ZNF268: variants seen among roughly 807,000 people sequenced by gnomAD.
ZNF268 encodes zinc finger protein 268, also known as zinc finger protein 3.
Under a neutral mutation model 29.3 loss-of-function variants are expected in ZNF268, and 20 were observed. The observed-to-expected ratio is 0.68, with a 90% CI of 0.48 to 0.99. The LOEUF is 0.99. ZNF268 is among the 50% of genes least tolerant of loss of function. The probability of loss-of-function intolerance (pLI) is 0.00; values close to 1 mark genes in which losing one functional copy is unlikely to be tolerated. For missense variants in ZNF268, 1,240 were observed against 1,121.6 expected (o/e 1.11, Z -1.51); for synonymous variants, 429 against 376.9 (o/e 1.14, Z -1.60).
intron 3 of ZNF268, among the ~76,000 whole-genome samples, chr12:133,188,636 T>C (rs2135491237): frequency 6.6e-6 from 1 of 152,322 alleles, no homozygotes. Flanking sequence ...TATCCTTTTT[T>C]TTAAAAAATG....
In ZNF268 at chr12:133,188,057, A is replaced by C; in HGVS notation, c.219A>C (p.Lys73Asn). The C allele has an allele frequency of 1.3e-6, 2 of 1,589,904 alleles. No homozygotes were observed. The highest frequency in any genetic ancestry group is 2.3e-5 in the South Asian group (2 of 87,336). Reference sequence around the variant, plus strand: ...TGTTTATTTCCCAAGAGCAGCCAAAAATCACCAAGTCCTGGGTGAGCTTCT... The same window carrying C: ...TGTTTATTTCCCAAGAGCAGCCAAACATCACCAAGTCCTGGGTGAGCTTCT... ...EWLFISQEQP[K>N]ITKSWGPLSF... is the part of the protein sequence containing the mutation. The change falls in exon 3 of 6, where the codon AAA becomes AAC. Residue 73 changes from lysine to asparagine, a missense_variant. Transcript: ENST00000536435.
At chr12:133,185,840 G>C (rs1276364938) in intron 2 of ZNF268, among the ~76,000 whole-genome samples, 1 of 148,314 alleles carries the variant, frequency 6.7e-6, no homozygotes, top group African/African-American at 2.4e-5. Context: ...AGAGTTGGGG[G>C]ATGTTTGAAG....
rs1400161082 is a variant in ZNF268 at position 133,212,371 on chromosome 12, G to A, written c.*7841G>A. On this transcript the variant is annotated 3_prime_UTR_variant, in exon 6 of 6. Transcript: ENST00000536435. ...ACAAAAAGGCCACTTATCACTCCAG[G>A]AGAGCAGGGTGTTCTTTCATCACAC... 6.6e-6 allele frequency: 1 copy of A among 150,556 alleles called. No individual in the cohort carries two copies. The highest frequency in any genetic ancestry group is 1.9e-4 in the East Asian group (1 of 5,168). The allele number at this position is 150,556 out of a possible 1,614,324, so 9.3% of individuals were successfully genotyped here. A position where few individuals can be genotyped will look rare whatever the true frequency, so the allele number is the denominator to read the frequency against.
At position 133,212,445 on chromosome 12, in the gene ZNF268, TTATATATATATATATATATATA is replaced by T. The variant is rs565059550; in HGVS notation, c.*7947_*7968del. The T allele has an allele frequency of 3.8e-4, 45 of 118,594 alleles. No individual in the cohort carries two copies. Among genetic ancestry groups the T allele is most frequent in the South Asian group, 8.2e-4 (3 of 3,638 alleles). 7.3% of individuals were successfully genotyped at this position (118,594 alleles called of 1,614,324 possible). On this transcript the variant is annotated 3_prime_UTR_variant, in exon 6 of 6. Coordinates refer to ENST00000536435, the MANE Select transcript of ZNF268 (RefSeq NM_003415.3). ...CCAAGGGAGACTTTCATGTGTGATT[TTATATATATATATATATATATA>T]TATATATATATATATATATATATAT...
intron 3 of ZNF268, 74 bp downstream of exon 3, chr12:133,188,146 G>A: frequency 7.4e-7 from 1 of 1,342,990 alleles, no homozygotes; most frequent in Non-Finnish European, 1.0e-6. Context: ...GAGGGATGGA[G>A]ATCCTTAGGT....
intron 5 of ZNF268, among the ~76,000 whole-genome samples, chr12:133,195,180 C>T (rs113477588): frequency 1.3e-5 from 2 of 152,264 alleles, no homozygotes; most frequent in Non-Finnish European, 2.9e-5. Context: ...TGTTTCTGCT[C>T]TCCAAGCATA....
intron 3 of ZNF268, among the ~76,000 whole-genome samples, chr12:133,188,333 C>T (rs573508847): frequency 1.3e-5 from 2 of 152,092 alleles, no homozygotes; most frequent in East Asian, 3.9e-4. Context: ...GTAGCTGGGA[C>T]AGCAGGCAAG....
intron 3 of ZNF268, among the ~76,000 whole-genome samples, chr12:133,188,919 T>A (rs1228989717): frequency 6.6e-6 from 1 of 152,134 alleles, no homozygotes; most frequent in Non-Finnish European, 1.5e-5. Context: ...GGATTGCAAA[T>A]TTTTTTATTT....
At position 133,202,375 on chromosome 12, in the gene ZNF268, A is replaced by C. The variant is rs370019315; in HGVS notation, c.689A>C (p.His230Pro). ...AATAATCCTAATGGGTTTCAGGTAC[A>C]TGGAAAATCATTCTTCCATTCTAAA... is the stretch of plus-strand genomic sequence containing the variant. The part of the protein sequence containing the change: ...ARNNPNGFQV[H>P]GKSFFHSKHE... Residue 230 changes from histidine (H) to proline (P), a missense_variant, in exon 6 of 6, where the codon CAT (histidine) becomes CCT (proline). Physicochemically the swap from His to Pro is moderately conservative, Grantham distance 77. Around this residue, in one of 3 missense-constraint regions of ZNF268, gnomAD observed 1,177 missense variants for 1,039.6 expected, o/e 1.13. Coordinates refer to ENST00000536435, the MANE Select transcript of ZNF268 (RefSeq NM_003415.3). The C allele has an allele frequency of 1.2e-6, 2 of 1,611,362 alleles. No homozygotes were observed. The highest frequency in any genetic ancestry group is 1.7e-6 in the Non-Finnish European group (2 of 1,178,566).
rs1957026734 is a variant in ZNF268, at chr12:133,214,382, G to C, written c.*9852G>C. On this transcript the variant is annotated 3_prime_UTR_variant, in exon 6 of 6. Transcript: ENST00000536435. ...CGTGGAGGAACCTCAGAAACATTGTGCTGAGAACCCAGCACAAGGCCACAC... is the reference window on the plus strand; with the variant it reads ...CGTGGAGGAACCTCAGAAACATTGTCCTGAGAACCCAGCACAAGGCCACAC... 2 of 152,094 alleles carry C rather than the reference G, an allele frequency of 1.3e-5. No individual in the cohort carries two copies. The allele number at this position is 152,094 out of a possible 1,614,324, so 9.4% of individuals were successfully genotyped here. A position where few individuals can be genotyped will look rare whatever the true frequency, so the allele number is the denominator to read the frequency against.
chr12:133,210,896 C>T lies in ZNF268; in HGVS notation c.*6366C>T. Reference sequence around the variant, plus strand: ...TGTGCTTGCACCCCTTCCTTACTACCTAGGCACAGTGTTGGATGGTCAGTG... The same window carrying T: ...TGTGCTTGCACCCCTTCCTTACTACTTAGGCACAGTGTTGGATGGTCAGTG... On this transcript the variant is annotated 3_prime_UTR_variant, in exon 6 of 6. Transcript: ENST00000536435. 2.2e-6 allele frequency: 1 copy of T among 456,056 alleles called. No homozygotes were observed. The highest frequency in any genetic ancestry group is 4.4e-6 in the Non-Finnish European group (1 of 226,800). 28.3% of individuals were successfully genotyped at this position (456,056 alleles called of 1,614,324 possible).
Position 133,203,349 on chromosome 12 carries a change from C to A in ZNF268, c.1663C>A (p.Pro555Thr). Residue 555 changes from proline to threonine, a missense_variant, in exon 6 of 6, where the codon CCC becomes ACC. Pro to Thr is a conservative substitution (Grantham distance 38). Coordinates refer to ENST00000536435, the MANE Select transcript of ZNF268 (RefSeq NM_003415.3). ...TCAGAGGATTCATACAGGAGAGAAC[C>A]CCTATGAATGCCATGAATGTGGGAA... Reference protein sequence around the residue: ...IHQRIHTGENPYECHECGKAF... With the variant: ...IHQRIHTGENTYECHECGKAF... 1 of 1,548,036 alleles carries A rather than the reference C, an allele frequency of 6.5e-7. No individual in the cohort carries two copies.
chr12:133,200,904 C>T (rs962015397), intron 5 of ZNF268, among the ~76,000 whole-genome samples: 11 of 152,082 alleles, frequency 7.2e-5, no homozygotes, highest in African/African-American at 1.9e-4. Flanking sequence ...TCACTCTCCT[C>T]CCTCCATACC....
In ZNF268 at chr12:133,191,549, G is replaced by A; in HGVS notation, c.295G>A (p.Asp99Asn). 2 of 1,614,038 alleles carry A rather than the reference G, an allele frequency of 1.2e-6. No individual in the cohort carries two copies. The change falls in exon 4 of 6, where the codon GAC (aspartate) becomes AAC (asparagine). Residue 99 changes from aspartate to asparagine, a missense_variant. Transcript: ENST00000536435. Reference sequence around the variant, plus strand: ...TACCTGGGAGGAGTGGCAGCTGCTAGACCCAGCACAGAAGTGCCTGTACAG... The same window carrying A: ...TACCTGGGAGGAGTGGCAGCTGCTAAACCCAGCACAGAAGTGCCTGTACAG... ...DFTWEEWQLL[D>N]PAQKCLYRSV...
chr12:133,207,632 A>AC lies in ZNF268; in HGVS notation c.*3106dup, dbSNP rs1404705079. 4.6e-5 allele frequency: 7 copies of AC among 152,022 alleles called. No homozygotes were observed. Among genetic ancestry groups the AC allele is most frequent in the African/African-American group, 1.7e-4 (7 of 41,388 alleles). 9.4% of individuals were successfully genotyped at this position (152,022 alleles called of 1,614,324 possible). ...AGACCAGCCTGGCCAACATGGTGAA[A>AC]CCCCTCTCTACTAAAAATACAAAAA... On this transcript the variant is annotated 3_prime_UTR_variant, in exon 6 of 6. Coordinates refer to ENST00000536435, the MANE Select transcript of ZNF268 (RefSeq NM_003415.3).
intron 5 of ZNF268, 40 bp from the exon 6 acceptor site, chr12:133,202,104 A>C: frequency 6.7e-7 from 1 of 1,483,522 alleles, no homozygotes. Context: ...TACCGCAATC[A>C]TGTGATTTAT....
intron 5 of ZNF268, among the ~76,000 whole-genome samples, chr12:133,197,292 GT>G (rs1353553427): frequency 1.4e-5 from 2 of 146,886 alleles, no homozygotes; most frequent in Non-Finnish European, 3.0e-5. Flanking sequence ...GCGGTGTTTG[GT>G]TTTTTGTTCT....
chr12:133,191,814 T>C, intron 4 of ZNF268, 94 bp from the exon 5 acceptor site: 3 of 1,511,892 alleles, frequency 2.0e-6, no homozygotes, highest in Non-Finnish European at 2.8e-6. Flanking sequence ...GGCAGCTTCA[T>C]CATGCTACCT....
At position 133,210,496 on chromosome 12, in the gene ZNF268, GAAAC is replaced by G. The variant is rs1445714050; in HGVS notation, c.*5969_*5972del. On this transcript the variant is annotated 3_prime_UTR_variant, in exon 6 of 6. Transcript: ENST00000536435. ...AGGGTCCCTAGGTCAGTCCTGAAGA[GAAAC>G]AAGCTCCAGTCTTCACTGTGGTTGT... 3 of 252,734 alleles carry G rather than the reference GAAAC, an allele frequency of 1.2e-5. No homozygotes were observed. The highest frequency in any genetic ancestry group is 2.4e-5 in the Non-Finnish European group (3 of 124,108). 15.7% of individuals were successfully genotyped at this position (252,734 alleles called of 1,614,324 possible).
Sources: allele counts gnomAD v4.1 joint callset (sites outside exome capture counted in the v4.1 genomes callset), GRCh38; gene constraint gnomAD v4.1.1; regional missense constraint gnomAD v4.1.1; transcripts MANE v1.5; gene names NCBI Gene and HGNC (gene_info 2026-07-23, HGNC 2026-07-21).